PPME1: variants seen among roughly 807,000 people sequenced by gnomAD.
PPME1 encodes the protein protein phosphatase methylesterase 1, also known as testicular secretory protein Li 39.
Under a neutral mutation model 56.9 loss-of-function variants are expected in PPME1, and 17 were observed. The observed-to-expected ratio is 0.30, with a 90% CI of 0.20 to 0.45. The LOEUF (loss-of-function observed/expected upper bound fraction) is 0.45. PPME1 is among the 20% of genes least tolerant of loss of function. The probability of loss-of-function intolerance (pLI) is 1.00; values close to 1 mark genes in which losing one functional copy is unlikely to be tolerated. For synonymous variants in PPME1, 122 were observed against 156.2 expected (o/e 0.78, Z 1.63); for missense variants, 357 against 483.2 (o/e 0.74, Z 2.45).
At chr11:74,193,509 T>G (rs541145294) in intron 1 of PPME1, among the ~76,000 whole-genome samples, 1 of 152,360 alleles carries the variant, frequency 6.6e-6, no homozygotes, top group African/African-American at 2.4e-5. Context: ...TTGAAACCCT[T>G]CTGGTCCCAA....
rs116660625 is a variant in PPME1 at position 74,199,127 on chromosome 11, C to T, written c.102-4601C>T. ...CTTATCTGCCTGAAATGTCTTATCC[C>T]TCTCTCCATCCCTATTTCTATCAGC... On this transcript the variant is annotated intron_variant, in intron 1 of 13. Transcript: ENST00000328257. Among the ~76,000 whole-genome samples the T allele has an allele frequency of 2.0e-3, 307 of 152,228 alleles. 1 individual carries two copies. Among genetic ancestry groups the T allele is most frequent in the African/African-American group, 7.1e-3 (293 of 41,552 alleles).
At chr11:74,193,601 C>G (rs1441901813) in intron 1 of PPME1, among the ~76,000 whole-genome samples, 2 of 152,150 alleles carry the variant, frequency 1.3e-5, no homozygotes, top group Non-Finnish European at 2.9e-5. Context: ...CCTTTCAGAA[C>G]TTCAGTTTGA....
intron 1 of PPME1, among the ~76,000 whole-genome samples, chr11:74,202,681 A>G (rs1327128946): frequency 6.6e-6 from 1 of 152,186 alleles, no homozygotes; most frequent in Non-Finnish European, 1.5e-5. Context: ...TATTCCATCC[A>G]AGGTTGAAGA....
chr11:74,239,016 G>T, intron 8 of PPME1, 117 bp from the exon 9 acceptor site: 1 of 1,007,896 alleles, frequency 9.9e-7, no homozygotes. Flanking sequence ...CTCCTACCAG[G>T]ATGATTGTTA....
intron 9 of PPME1, 75 bp from the exon 10 acceptor site, chr11:74,246,001 C>T (rs1356661449): frequency 6.7e-7 from 1 of 1,499,086 alleles, no homozygotes; most frequent in East Asian, 2.5e-5. Flanking sequence ...TTTCCTTTTC[C>T]CAGGGATCTA....
chr11:74,181,206 G>A (rs1271207212), intron 1 of PPME1, among the ~76,000 whole-genome samples: 6 of 151,416 alleles, frequency 4.0e-5, no homozygotes, highest in Non-Finnish European at 7.4e-5. Context: ...CACCGCGCCC[G>A]GCTAATTTTT....
At chr11:74,219,537 T>C (rs1053911456) in intron 3 of PPME1, among the ~76,000 whole-genome samples, 1 of 152,142 alleles carries the variant, frequency 6.6e-6, no homozygotes, top group African/African-American at 2.4e-5. Flanking sequence ...GTGGTACATA[T>C]ACACAAAGGA....
At chr11:74,176,168 A>C (rs941264592) in intron 1 of PPME1, among the ~76,000 whole-genome samples, 1 of 152,222 alleles carries the variant, frequency 6.6e-6, no homozygotes, top group African/African-American at 2.4e-5. Flanking sequence ...ATACATTGAG[A>C]ACTGTGAAGA....
intron 9 of PPME1, among the ~76,000 whole-genome samples, chr11:74,241,863 A>T (rs2135673487): frequency 6.6e-6 from 1 of 152,272 alleles, no homozygotes; most frequent in Non-Finnish European, 1.5e-5. Flanking sequence ...GAATTTTAAG[A>T]GTTCTATATA....
chr11:74,251,925 T>G (rs369536771), intron 13 of PPME1: 10 of 746,504 alleles, frequency 1.3e-5, no homozygotes, highest in Non-Finnish European at 2.2e-5. Context: ...GGGTTGATGC[T>G]GAGGCTGTGA....
At chr11:74,206,719 A>T (rs1858336844) in intron 3 of PPME1, among the ~76,000 whole-genome samples, 1 of 152,034 alleles carries the variant, frequency 6.6e-6, no homozygotes. Flanking sequence ...GGTGTGCACC[A>T]CCACTCCCAG....
intron 3 of PPME1, among the ~76,000 whole-genome samples, chr11:74,209,331 G>A (rs545988039): frequency 6.6e-6 from 1 of 152,192 alleles, no homozygotes; most frequent in East Asian, 1.9e-4. Context: ...TTGAACACCT[G>A]GCCTCAAGCA....
chr11:74,181,080 C>G (rs1857522863), intron 1 of PPME1, among the ~76,000 whole-genome samples: 1 of 148,004 alleles, frequency 6.8e-6, no homozygotes, highest in Non-Finnish European at 1.5e-5. Flanking sequence ...CTTTGTCGCC[C>G]AGGTCGGACT....
chr11:74,245,931 G>C, intron 9 of PPME1, 145 bp from the exon 10 acceptor site: 1 of 805,098 alleles, frequency 1.2e-6, no homozygotes, highest in Admixed American at 3.2e-5. Flanking sequence ...TGGAAGGATT[G>C]AATGTATATT....
intron 3 of PPME1, among the ~76,000 whole-genome samples, chr11:74,207,641 T>TAATA: frequency 6.6e-6 from 1 of 152,334 alleles, no homozygotes; most frequent in Non-Finnish European, 1.5e-5. Flanking sequence ...ATATAATGGG[T>TAATA]AATAATGTAT....
At chr11:74,182,483 C>T (rs1014296420) in intron 1 of PPME1, among the ~76,000 whole-genome samples, 7 of 151,980 alleles carry the variant, frequency 4.6e-5, no homozygotes, top group African/African-American at 1.7e-4. Flanking sequence ...CCTCAGCCAC[C>T]CGAGTAGCTG....
chr11:74,219,028 A>G (rs1293130389), intron 3 of PPME1, among the ~76,000 whole-genome samples: 3 of 152,110 alleles, frequency 2.0e-5, no homozygotes, highest in Non-Finnish European at 4.4e-5. Flanking sequence ...GAGCTCAACA[A>G]CTCTATAGGA....
intron 1 of PPME1, among the ~76,000 whole-genome samples, chr11:74,173,000 G>C (rs993685264): frequency 5.3e-5 from 8 of 152,160 alleles, no homozygotes; most frequent in African/African-American, 1.9e-4. Context: ...GGAAAAATGG[G>C]TGGAAAAACC....
chr11:74,235,689 G>T, intron 7 of PPME1: 3 of 667,338 alleles, frequency 4.5e-6, no homozygotes, highest in South Asian at 4.4e-5. Flanking sequence ...AATATCTGCA[G>T]AACTGAAATG....
Sources: gnomAD v4.1 joint callset for allele counts (sites outside exome capture counted in the v4.1 genomes callset) on GRCh38, gnomAD v4.1.1 for gene constraint, MANE v1.5 for transcripts, NCBI Gene and HGNC (gene_info 2026-07-23, HGNC 2026-07-21) for gene names.